Variants in DNAH10 observed in about 807,000 individuals in gnomAD.
DNAH10 encodes dynein axonemal heavy chain 10.
In DNAH10, 348 loss-of-function variants were observed where a neutral mutation model predicts 506.6. The ratio of observed to expected loss-of-function variants is 0.69; its 90% CI spans 0.63 to 0.75. The LOEUF is 0.75. Ranked by LOEUF, DNAH10 falls within the 30% of genes least tolerant of loss-of-function variation. DNAH10 has a pLI of 0.00. For missense variants in DNAH10, 5,179 were observed against 5,787.1 expected (o/e 0.89, Z 3.41); for synonymous variants, 2,059 against 2,198.6 (o/e 0.94, Z 1.78).
At chr12:123,869,909 G>A (rs756562221) in intron 43 of DNAH10, among the ~76,000 whole-genome samples, 1 of 152,170 alleles carries the variant, frequency 6.6e-6, no homozygotes, top group African/African-American at 2.4e-5. Flanking sequence ...TTCCCGCATT[G>A]TCCGTTGTTC....
chr12:123,851,192 T>G, intron 35 of DNAH10, 116 bp downstream of exon 35: 1 of 1,129,902 alleles, frequency 8.9e-7, no homozygotes, highest in African/African-American at 1.7e-5. Context: ...GGACCTAGGA[T>G]GTGTCAGCTC....
intron 54 of DNAH10, 62 bp from the exon 55 acceptor site, chr12:123,897,708 G>A: frequency 6.4e-7 from 1 of 1,569,280 alleles, no homozygotes; most frequent in East Asian, 2.3e-5. Flanking sequence ...CTGGGCAACA[G>A]AGTGAGACCC....
rs1222151718 is a variant in DNAH10, at chr12:123,926,253, AAAG to A, written c.11922-381_11922-379del. Among the ~76,000 whole-genome samples the A allele has an allele frequency of 6.6e-6, 1 of 151,372 alleles. No homozygotes were observed. The highest frequency in any genetic ancestry group is 1.5e-5 in the Non-Finnish European group (1 of 67,846). On this transcript the variant is annotated intron_variant, in intron 68 of 78. Coordinates refer to ENST00000673944, the MANE Select transcript of DNAH10 (RefSeq NM_001372106.1). This position sits in a 1 kb window ranked among gnomAD's most constrained non-coding sequence, Gnocchi z 4.1. ...ATTTCAATTTAAAAAAAAAAAAAAA[AAAG>A]AAAAAGAAAAAACCCACACACAAAA...
chr12:123,803,721 A>T lies in DNAH10; in HGVS notation c.2675A>T (p.His892Leu). The T allele has an allele frequency of 6.2e-7, 1 of 1,611,602 alleles. No individual in the cohort carries two copies. ...ATTGGGAAATTTGAGTCTCTCGTCCACCAGATTCATAAGAATGCAGATGAC... is the reference window on the plus strand; with the variant it reads ...ATTGGGAAATTTGAGTCTCTCGTCCTCCAGATTCATAAGAATGCAGATGAC... ...QAIGKFESLV[H>L]QIHKNADDIS... The change falls in exon 17 of 79, where the codon CAC becomes CTC. Residue 892 changes from histidine to leucine, a missense_variant. Physicochemically the swap from His to Leu is moderately conservative, Grantham distance 99. Transcript: ENST00000673944.
At chr12:123,844,145 G>C (rs779715473) in intron 30 of DNAH10, among the ~76,000 whole-genome samples, 2 of 152,160 alleles carry the variant, frequency 1.3e-5, no homozygotes, top group Non-Finnish European at 2.9e-5. Context: ...GGGAAAGAGA[G>C]AGAGAGAAGG....
intron 39 of DNAH10, among the ~76,000 whole-genome samples, chr12:123,864,382 C>T (rs550947527): frequency 2.0e-5 from 3 of 151,888 alleles, no homozygotes; most frequent in South Asian, 2.1e-4. Flanking sequence ...CCTGACCTCG[C>T]GATCCGCCCA....
In DNAH10 at chr12:123,801,302, C is replaced by T. The variant is rs778122244; in HGVS notation, c.2484C>T (p.Arg828=). The T allele has an allele frequency of 1.2e-5, 20 of 1,614,038 alleles. No individual in the cohort carries two copies. The East Asian group carries it at 4.2e-4, about 34-fold the overall frequency. The change falls in exon 16 of 79, where the codon CGC becomes CGT. Residue 828 remains arginine (R), a synonymous_variant. Transcript: ENST00000673944. ...GCAGGTACACAGCTGGGATACAGCGCATGTTGGATCATTATCACATGCTCA... is the reference window on the plus strand; with the variant it reads ...GCAGGTACACAGCTGGGATACAGCGTATGTTGGATCATTATCACATGCTCA... ...KFLRYTAGIQ[R]MLDHYHMLIG...
intron 44 of DNAH10, among the ~76,000 whole-genome samples, chr12:123,870,985 A>G (rs1222818895): frequency 2.0e-5 from 3 of 152,196 alleles, no homozygotes; most frequent in Non-Finnish European, 4.4e-5. Flanking sequence ...ATAATTTCAC[A>G]AAGCATGTGT....
intron 52 of DNAH10, among the ~76,000 whole-genome samples, chr12:123,890,589 A>G (rs1952937783): frequency 1.3e-5 from 2 of 152,018 alleles, no homozygotes; most frequent in Admixed American, 1.3e-4. Flanking sequence ...CCCAGCCAAG[A>G]TTTATGTTTC....
At chr12:123,811,247 A>G (rs965007467) in intron 19 of DNAH10, among the ~76,000 whole-genome samples, 4 of 152,234 alleles carry the variant, frequency 2.6e-5, no homozygotes, top group Non-Finnish European at 4.4e-5. Context: ...ATTAAATTAT[A>G]TAACACGTGT....
At chr12:123,880,431 C>T (rs1952454544) in intron 50 of DNAH10, among the ~76,000 whole-genome samples, 1 of 152,178 alleles carries the variant, frequency 6.6e-6, no homozygotes, top group South Asian at 2.1e-4. Flanking sequence ...CCTCAACCTC[C>T]TGGGCTCAAG....
At chr12:123,840,574 G>T (rs1950739699) in intron 29 of DNAH10, among the ~76,000 whole-genome samples, 1 of 151,604 alleles carries the variant, frequency 6.6e-6, no homozygotes, top group African/African-American at 2.4e-5. Context: ...CTGGCCTTCT[G>T]CTTCCACTTT....
chr12:123,860,461 AGT>A, intron 38 of DNAH10, among the ~76,000 whole-genome samples: 2 of 152,220 alleles, frequency 1.3e-5, no homozygotes, highest in East Asian at 3.9e-4. Context: ...TGAACTGTGG[AGT>A]GTGTGAAGTT....
intron 2 of DNAH10, among the ~76,000 whole-genome samples, chr12:123,769,312 A>AT (rs762803847): frequency 0.016 from 2,365 of 144,890 alleles, 50 homozygotes; most frequent in African/African-American, 0.052. Context: ...CATCCAGCTA[A>AT]TTTTTTTTTT....
intron 11 of DNAH10, among the ~76,000 whole-genome samples, chr12:123,792,142 A>C (rs1958101480): frequency 6.6e-6 from 1 of 152,188 alleles, no homozygotes; most frequent in Non-Finnish European, 1.5e-5. Context: ...ATTAATGACT[A>C]GTGTTTACTT....
intron 21 of DNAH10, among the ~76,000 whole-genome samples, chr12:123,817,422 C>CTT (rs1959169786): frequency 1.3e-5 from 2 of 151,940 alleles, no homozygotes; most frequent in Non-Finnish European, 2.9e-5. Context: ...TTGTCCTAAA[C>CTT]TTTAAGTTCA....
Position 123,832,449 on chromosome 12 carries a change from G to A in DNAH10, c.4546-665G>A, listed in dbSNP as rs113996144. On this transcript the variant is annotated intron_variant, in intron 26 of 78. Transcript: ENST00000673944. ...AGTGTACACAATATACCAAAGATAC[G>A]CATAATATACATATAATGTACACAT... Among the ~76,000 whole-genome samples the A allele has an allele frequency of 5.7e-3, 869 of 151,310 alleles. 5 individuals are homozygous for A. The highest frequency in any genetic ancestry group is 0.019 in the African/African-American group (791 of 41,260).
intron 39 of DNAH10, among the ~76,000 whole-genome samples, chr12:123,863,782 T>C (rs145263481): frequency 7.4e-4 from 113 of 152,346 alleles, no homozygotes; most frequent in African/African-American, 2.5e-3. Context: ...AGCTTCTGGG[T>C]GAACACATCT....
chr12:123,779,587 A>G (rs1347793010), intron 5 of DNAH10, among the ~76,000 whole-genome samples: 1 of 138,050 alleles, frequency 7.2e-6, no homozygotes, highest in Non-Finnish European at 1.5e-5. Flanking sequence ...CACTTGATTA[A>G]TGGACCTGGG....
Sources: allele counts gnomAD v4.1 joint callset (sites outside exome capture counted in the v4.1 genomes callset), GRCh38; gene constraint gnomAD v4.1.1; non-coding constraint Gnocchi (gnomAD v3.1); transcripts MANE v1.5; gene names NCBI Gene and HGNC (gene_info 2026-07-23, HGNC 2026-07-21).